The following ZFHX3 variants were observed in gnomAD, a reference collection of about 807,000 sequenced individuals.
ZFHX3 encodes zinc finger homeobox 3.
In ZFHX3, 42 loss-of-function variants were observed where a neutral mutation model predicts 279.1. The observed-to-expected ratio is 0.15, with a 90% CI of 0.12 to 0.19. The LOEUF (loss-of-function observed/expected upper bound fraction) is 0.19, where lower values mean the gene tolerates loss of function less well. Among genes scored for constraint, ZFHX3 ranks in the 10% least tolerant of loss-of-function variants. ZFHX3 has a pLI of 1.00. For missense variants in ZFHX3, 4,981 were observed against 4,754.0 expected (o/e 1.05, Z -1.40); for synonymous variants, 2,293 against 1,957.8 (o/e 1.17, Z -4.52).
At chr16:73,604,441 T>C (rs555585496) in intron 2 of ZFHX3, among the ~76,000 whole-genome samples, 1 of 152,256 alleles carries the variant, frequency 6.6e-6, no homozygotes, top group Non-Finnish European at 1.5e-5. Context: ...GCTTAGCAAG[T>C]TACCATGTTA....
intron 4 of ZFHX3, among the ~76,000 whole-genome samples, chr16:72,883,442 T>G (rs987447891): frequency 2.6e-5 from 4 of 152,160 alleles, no homozygotes; most frequent in African/African-American, 9.7e-5. Flanking sequence ...TTGCCACACA[T>G]CTGACATTCT....
chr16:73,296,265 A>G (rs1403245532), intron 4 of ZFHX3, among the ~76,000 whole-genome samples: 1 of 152,242 alleles, frequency 6.6e-6, no homozygotes, highest in Admixed American at 6.5e-5. Flanking sequence ...AAACATCACT[A>G]CAAGCTAAGA....
intron 1 of ZFHX3, among the ~76,000 whole-genome samples, chr16:73,739,961 T>A (rs1285403229): frequency 6.6e-6 from 1 of 152,140 alleles, no homozygotes; most frequent in African/African-American, 2.4e-5. Flanking sequence ...TGTGTGCACT[T>A]GGTGACCATC....
chr16:73,406,824 G>A (rs1053475734), intron 3 of ZFHX3, among the ~76,000 whole-genome samples: 6 of 152,320 alleles, frequency 3.9e-5, no homozygotes, highest in African/African-American at 1.2e-4. Flanking sequence ...GAAAGAAAGA[G>A]TTGGGAATGT....
intron 2 of ZFHX3, among the ~76,000 whole-genome samples, chr16:73,629,101 G>T (rs1339543052): frequency 6.6e-6 from 1 of 152,176 alleles, no homozygotes; most frequent in Non-Finnish European, 1.5e-5. Context: ...GAGCAGTGAT[G>T]GAAACTATAA....
At chr16:72,885,543 T>G (rs1437948904) in intron 4 of ZFHX3, among the ~76,000 whole-genome samples, 1 of 152,092 alleles carries the variant, frequency 6.6e-6, no homozygotes, top group Non-Finnish European at 1.5e-5. Context: ...TGGGAATAGG[T>G]ATTTTTTGTC....
intron 3 of ZFHX3, among the ~76,000 whole-genome samples, chr16:73,397,996 C>A (rs2017164460): frequency 6.6e-6 from 1 of 152,144 alleles, no homozygotes; most frequent in African/African-American, 2.4e-5. Context: ...AGGTGTCGGC[C>A]ACCATGCCCG....
chr16:73,551,516 G>A (rs2020204159), intron 2 of ZFHX3, among the ~76,000 whole-genome samples: 1 of 152,214 alleles, frequency 6.6e-6, no homozygotes, highest in African/African-American at 2.4e-5. Flanking sequence ...GGGAGGTGTA[G>A]TCACTCTCAG....
chr16:73,048,422 G>C (rs960307482), upstream of ZFHX3: 4 of 151,700 alleles, frequency 2.6e-5, no homozygotes, highest in African/African-American at 4.8e-5. Flanking sequence ...CGCGGGCCTT[G>C]GGGCAGGCCG....
chr16:73,163,086 A>G (rs560349250), intron 5 of ZFHX3, among the ~76,000 whole-genome samples: 1 of 152,294 alleles, frequency 6.6e-6, no homozygotes, highest in East Asian at 1.9e-4. Context: ...TGACACATAG[A>G]TGGCCATCTT....
chr16:73,225,222 T>G (rs2012555863), intron 5 of ZFHX3, among the ~76,000 whole-genome samples: 1 of 152,202 alleles, frequency 6.6e-6, no homozygotes, highest in Admixed American at 6.5e-5. Flanking sequence ...ATCCTTTTTT[T>G]GGGACAAATA....
At chr16:73,286,616 G>A (rs2014605813) in intron 4 of ZFHX3, among the ~76,000 whole-genome samples, 1 of 150,984 alleles carries the variant, frequency 6.6e-6, no homozygotes, top group South Asian at 2.1e-4. Flanking sequence ...TAGCTGTGTG[G>A]GTGTGTGGGT....
At chr16:73,073,643 C>T (rs910596797) in intron 8 of ZFHX3, among the ~76,000 whole-genome samples, 29 of 152,158 alleles carry the variant, frequency 1.9e-4, no homozygotes. Context: ...GGATTATAGG[C>T]ACCTGCCACC....
chr16:73,391,423 G>T (rs1204859338), intron 3 of ZFHX3, among the ~76,000 whole-genome samples: 2 of 150,176 alleles, frequency 1.3e-5, no homozygotes, highest in Non-Finnish European at 3.0e-5. Context: ...CTGCACTCCA[G>T]TCTGGTTGAC....
At chr16:73,186,745 T>C (rs1328995129) in intron 5 of ZFHX3, among the ~76,000 whole-genome samples, 3 of 152,070 alleles carry the variant, frequency 2.0e-5, no homozygotes, top group African/African-American at 7.2e-5. Flanking sequence ...TTAAAAAAAA[T>C]AGGGCAACAG....
At chr16:73,752,808 T>A (rs2053773116) in intron 1 of ZFHX3, among the ~76,000 whole-genome samples, 1 of 151,948 alleles carries the variant, frequency 6.6e-6, no homozygotes, top group African/African-American at 2.4e-5. Context: ...TCCGACATCA[T>A]CTCCCAGTAC....
intron 1 of ZFHX3, among the ~76,000 whole-genome samples, chr16:73,819,188 A>G (rs1960664774): frequency 6.6e-6 from 1 of 151,928 alleles, no homozygotes; most frequent in Non-Finnish European, 1.5e-5. Context: ...GTATCTCCCA[A>G]TGGCAACGAT....
At chr16:72,938,021 C>T (rs1960212999) in intron 3 of ZFHX3, among the ~76,000 whole-genome samples, 1 of 152,250 alleles carries the variant, frequency 6.6e-6, no homozygotes. Flanking sequence ...GAGAAACTCA[C>T]AAAACTGAAG....
At chr16:73,231,537 G>C (rs1453816226) in intron 5 of ZFHX3, among the ~76,000 whole-genome samples, 2 of 152,180 alleles carry the variant, frequency 1.3e-5, no homozygotes, top group South Asian at 2.1e-4. Flanking sequence ...GGGGTGATAA[G>C]GCAAGTTCGT....
Sources: allele counts gnomAD v4.1 joint callset (sites outside exome capture counted in the v4.1 genomes callset), GRCh38; gene constraint gnomAD v4.1.1; transcripts MANE v1.5; gene names NCBI Gene and HGNC (gene_info 2026-07-23, HGNC 2026-07-21).